Variants in ZEB2 observed in about 807,000 individuals in gnomAD.
The protein encoded by ZEB2 is zinc finger E-box-binding homeobox 2.
Under a neutral mutation model 99.9 loss-of-function variants are expected in ZEB2, and 6 were observed. The observed-to-expected ratio is 0.06, with a 90% CI of 0.03 to 0.12. The LOEUF (loss-of-function observed/expected upper bound fraction) is 0.12, where lower values mean the gene tolerates loss of function less well. ZEB2 is among the 10% of genes least tolerant of loss of function. The pLI is 1.00. For missense variants in ZEB2, 969 were observed against 1,502.8 expected (o/e 0.64, Z 5.87); for synonymous variants, 517 against 542.5 (o/e 0.95, Z 0.65).
intron 2 of ZEB2, among the ~76,000 whole-genome samples, chr2:144,502,178 C>T (rs1021392180): frequency 1.3e-5 from 2 of 152,186 alleles, no homozygotes; most frequent in African/African-American, 4.8e-5. Context: ...TACTTTTAGG[C>T]TGCTGAGTAT....
chr2:144,506,819 C>T (rs879400539), intron 2 of ZEB2, among the ~76,000 whole-genome samples: 7 of 151,962 alleles, frequency 4.6e-5, no homozygotes, highest in Non-Finnish European at 1.0e-4. Context: ...GAGTACCTTT[C>T]CTTGAGTTAT....
chr2:144,434,304 A>G (rs1703810073), intron 2 of ZEB2, among the ~76,000 whole-genome samples: 2 of 152,188 alleles, frequency 1.3e-5, no homozygotes, highest in Admixed American at 1.3e-4. Flanking sequence ...AATACCCACA[A>G]TGTGGCAAAT....
At chr2:144,405,461 C>A (rs764055085) in intron 4 of ZEB2, 9 of 215,478 alleles carry the variant, frequency 4.2e-5, no homozygotes, top group East Asian at 1.4e-4. Context: ...GTCCACTAGA[C>A]TGAGCGTCCC....
intron 2 of ZEB2, among the ~76,000 whole-genome samples, chr2:144,498,088 A>G (rs1374456400): frequency 2.2e-5 from 2 of 91,820 alleles, no homozygotes; most frequent in Non-Finnish European, 4.1e-5. Flanking sequence ...ATTATATAAT[A>G]TATATTAATA....
chr2:144,517,378 G>T lies in ZEB2; in HGVS notation c.-28C>A, dbSNP rs1378549306. ...ATAAGAGCGGATCAGATGGCAGTTCGCATGGACTCGGCGCCCTGCTTCGGC... is the reference window on the plus strand; with the variant it reads ...ATAAGAGCGGATCAGATGGCAGTTCTCATGGACTCGGCGCCCTGCTTCGGC... On this transcript the variant is annotated 5_prime_UTR_variant, in exon 2 of 10. Coordinates refer to ENST00000627532, the MANE Select transcript of ZEB2 (RefSeq NM_014795.4). The T allele has an allele frequency of 3.7e-6, 6 of 1,613,068 alleles. No individual in the cohort carries two copies. The Admixed American group carries it at 6.7e-5, about 18-fold the overall frequency.
chr2:144,419,086 G>A (rs949188595), intron 4 of ZEB2, among the ~76,000 whole-genome samples: 2 of 152,188 alleles, frequency 1.3e-5, no homozygotes, highest in South Asian at 2.1e-4. Flanking sequence ...CCACTTTACC[G>A]ATGTAGAAAT....
intron 2 of ZEB2, among the ~76,000 whole-genome samples, chr2:144,435,674 G>A (rs1381139241): frequency 6.6e-6 from 1 of 151,624 alleles, no homozygotes; most frequent in Admixed American, 6.6e-5. Flanking sequence ...ATGCTTACAT[G>A]CTTAGAGATC....
At chr2:144,398,161 T>C in intron 8 of ZEB2, 140 bp downstream of exon 8, 1 of 1,038,982 alleles carries the variant, frequency 9.6e-7, no homozygotes, top group East Asian at 2.7e-5. Flanking sequence ...TCTAGCCCAC[T>C]GATGGTTTTA....
At chr2:144,428,863 G>A (rs1703728552) in intron 3 of ZEB2, 1 of 152,088 alleles carries the variant, frequency 6.6e-6, no homozygotes, top group Non-Finnish European at 1.5e-5. Context: ...AAAAAACAAG[G>A]TGGGGTAAAC....
chr2:144,432,202 C>T (rs1015720862), intron 2 of ZEB2, among the ~76,000 whole-genome samples: 3 of 152,120 alleles, frequency 2.0e-5, no homozygotes, highest in African/African-American at 7.2e-5. Flanking sequence ...TCATGTCTCA[C>T]CATATAGGGT....
At chr2:144,517,942 C>A in intron 1 of ZEB2, 1 of 347,830 alleles carries the variant, frequency 2.9e-6, no homozygotes, top group Non-Finnish European at 5.4e-6. Flanking sequence ...CCCACTCGCC[C>A]AGCGCCCCCT....
intron 8 of ZEB2, chr2:144,398,050 A>C: frequency 2.4e-6 from 1 of 410,426 alleles, no homozygotes. Flanking sequence ...AGATGAGTCC[A>C]TCTAAATACA....
intron 2 of ZEB2, among the ~76,000 whole-genome samples, chr2:144,479,776 A>G (rs2149913417): frequency 6.6e-6 from 1 of 151,842 alleles, no homozygotes; most frequent in African/African-American, 2.4e-5. Context: ...CCTGCTCAGC[A>G]GGTCACCTAT....
chr2:144,447,038 T>C (rs1181267254), intron 2 of ZEB2, among the ~76,000 whole-genome samples: 1 of 151,580 alleles, frequency 6.6e-6, no homozygotes, highest in East Asian at 1.9e-4. Flanking sequence ...AAAAAAGAAT[T>C]AAGTTTAATA....
chr2:144,502,532 G>A (rs889440560), intron 2 of ZEB2, among the ~76,000 whole-genome samples: 12 of 152,070 alleles, frequency 7.9e-5, no homozygotes, highest in African/African-American at 7.2e-5. Context: ...CCCACTGCGC[G>A]TTCCTTCAAG....
rs762006325 is a variant in ZEB2, at chr2:144,400,005, T to A, written c.1182A>T (p.Pro394=). ...QTGLLKIKTE[P]LDFNDYKVLM... is the part of the protein sequence containing the mutation. ...GAACTTTATAGTCATTGAAGTCTAG[T>A]GGTTCTGTTTTAATTTTAAGTAAGC... The change falls in exon 8 of 10, where the codon CCA becomes CCT. Residue 394 remains proline (P), a synonymous_variant. Coordinates refer to ENST00000627532, the MANE Select transcript of ZEB2 (RefSeq NM_014795.4). The A allele has an allele frequency of 8.7e-6, 14 of 1,614,204 alleles. No homozygotes were observed. The highest frequency in any genetic ancestry group is 1.2e-5 in the Non-Finnish European group (14 of 1,180,024).
chr2:144,467,011 A>G (rs1161382343), intron 2 of ZEB2, among the ~76,000 whole-genome samples: 1 of 152,120 alleles, frequency 6.6e-6, no homozygotes, highest in East Asian at 1.9e-4. Flanking sequence ...AATAATTGCC[A>G]GTTTCTTAAT....
intron 2 of ZEB2, among the ~76,000 whole-genome samples, chr2:144,502,332 A>AT (rs1253158859): frequency 4.0e-4 from 60 of 150,840 alleles, no homozygotes; most frequent in South Asian, 1.3e-3. Flanking sequence ...CTGGCAGCAG[A>AT]TTTTTTTTTT....
intron 2 of ZEB2, among the ~76,000 whole-genome samples, chr2:144,476,134 T>C (rs1310623629): frequency 6.6e-6 from 1 of 152,208 alleles, no homozygotes; most frequent in Non-Finnish European, 1.5e-5. Flanking sequence ...CACTGGCTAT[T>C]TTTTCTACTA....
Sources: allele counts gnomAD v4.1 joint callset (sites outside exome capture counted in the v4.1 genomes callset), GRCh38; gene constraint gnomAD v4.1.1; transcripts MANE v1.5; gene names NCBI Gene and HGNC (gene_info 2026-07-23, HGNC 2026-07-21).